Variants in MACROH2A2 observed in about 807,000 individuals in gnomAD.
MACROH2A2 encodes the protein core histone macro-H2A.2.
A neutral mutation model predicts 37.6 loss-of-function variants in MACROH2A2; 6 were observed. The ratio of observed to expected loss-of-function variants is 0.16; its 90% CI spans 0.09 to 0.32. The LOEUF (loss-of-function observed/expected upper bound fraction) is 0.32. Ranked by LOEUF, MACROH2A2 falls within the 10% of genes least tolerant of loss-of-function variation. The pLI is 1.00. For missense variants in MACROH2A2, 290 were observed against 485.9 expected, an observed-to-expected ratio of 0.60 and a Z score of 3.79; for synonymous variants, 192 against 202.7, an observed-to-expected ratio of 0.95 and a Z score of 0.45.
At chr10:70,092,519 C>G (rs1054357344) in intron 4 of MACROH2A2, among the ~76,000 whole-genome samples, 16 of 152,106 alleles carry the variant, frequency 1.1e-4, no homozygotes, top group Admixed American at 2.6e-4. Context: ...CCCAGGCAGA[C>G]ACTAAGACGC....
At chr10:70,087,320 A>C (rs1589836626) in intron 2 of MACROH2A2, among the ~76,000 whole-genome samples, 1 of 148,888 alleles carries the variant, frequency 6.7e-6, no homozygotes, top group Non-Finnish European at 1.5e-5. Flanking sequence ...TGCAGCCTCC[A>C]CTCCCAGGTT....
Position 70,053,521 on chromosome 10 carries a change from T to C in MACROH2A2, c.-60+521T>C, listed in dbSNP as rs1589828206. ...GGCGCCGGCGGCTCCAGGCTGACAA[T>C]GGAGGGGGCGCGGAGCAGCCGGGCG... On this transcript the variant is annotated intron_variant, in intron 1 of 8. Coordinates refer to ENST00000373255, the MANE Select transcript of MACROH2A2 (RefSeq NM_018649.3). This position sits in a 1 kb window ranked among gnomAD's most constrained non-coding sequence, Gnocchi z 4.8. Among the ~76,000 whole-genome samples the C allele has an allele frequency of 2.0e-5, 3 of 147,940 alleles. No homozygotes were observed. The South Asian group carries it at 6.4e-4, about 32-fold the overall frequency.
chr10:70,078,067 G>T (rs538520756), intron 2 of MACROH2A2, among the ~76,000 whole-genome samples: 230 of 152,312 alleles, frequency 1.5e-3, no homozygotes, highest in African/African-American at 5.2e-3. Context: ...CTGTGCCTCC[G>T]TTTGGCAAAA....
intron 1 of MACROH2A2, among the ~76,000 whole-genome samples, chr10:70,064,767 C>T (rs1432622076): frequency 6.6e-6 from 1 of 152,130 alleles, no homozygotes; most frequent in Admixed American, 6.5e-5. Context: ...TGAGGCCTCC[C>T]CAGCTATGTG....
chr10:70,104,364 A>G (rs79230760), intron 7 of MACROH2A2, among the ~76,000 whole-genome samples: 1 of 147,568 alleles, frequency 6.8e-6, no homozygotes, highest in African/African-American at 2.5e-5. Context: ...ACAGAGAGGA[A>G]AAAAAAAAAA....
chr10:70,079,108 G>T (rs1405149464), intron 2 of MACROH2A2, among the ~76,000 whole-genome samples: 1 of 152,188 alleles, frequency 6.6e-6, no homozygotes, highest in Non-Finnish European at 1.5e-5. Context: ...GTGCTGTCGG[G>T]CAGGGAATGA....
chr10:70,105,231 A>C lies in MACROH2A2; in HGVS notation c.779-3802A>C, dbSNP rs1313701656. ...TGAAGATGTCAGCTGGGGCAGAACC[A>C]GTTCACGTTAAGCATCTACGGTGTG... is the stretch of plus-strand genomic sequence containing the variant. On this transcript the variant is annotated intron_variant, in intron 7 of 8. Coordinates refer to ENST00000373255, the MANE Select transcript of MACROH2A2 (RefSeq NM_018649.3). Among the ~76,000 whole-genome samples, 4 of 152,248 alleles carry C rather than the reference A, an allele frequency of 2.6e-5. No individual in the cohort carries two copies. In the East Asian group the frequency reaches 7.7e-4, roughly 29 times the overall value.
intron 2 of MACROH2A2, among the ~76,000 whole-genome samples, chr10:70,089,188 G>A (rs2072229083): frequency 6.6e-6 from 1 of 152,234 alleles, no homozygotes; most frequent in African/African-American, 2.4e-5. Flanking sequence ...ATTCTCTTCA[G>A]AGATGGCCCT....
chr10:70,096,569 G>A (rs1252827425), intron 6 of MACROH2A2, among the ~76,000 whole-genome samples: 1 of 152,130 alleles, frequency 6.6e-6, no homozygotes, highest in Non-Finnish European at 1.5e-5. Context: ...CCAGGGTGGA[G>A]GAGCTTGGGA....
At chr10:70,061,601 CT>C (rs1338910640) in intron 1 of MACROH2A2, among the ~76,000 whole-genome samples, 1 of 152,162 alleles carries the variant, frequency 6.6e-6, no homozygotes, top group African/African-American at 2.4e-5. Context: ...TTAAATGCCC[CT>C]ACCCCTTGTC....
intron 1 of MACROH2A2, among the ~76,000 whole-genome samples, chr10:70,073,463 T>C (rs922084846): frequency 1.3e-5 from 2 of 152,184 alleles, no homozygotes; most frequent in Non-Finnish European, 2.9e-5. Context: ...AAAGAGATAA[T>C]AGTCTAAGGC....
At position 70,095,668 on chromosome 10, in the gene MACROH2A2, G is replaced by T. The variant is rs778643293; in HGVS notation, c.603G>T (p.Gln201His). The T allele has an allele frequency of 6.4e-7, 1 of 1,555,028 alleles. No homozygotes were observed. The highest frequency in any genetic ancestry group is 8.9e-7 in the Non-Finnish European group (1 of 1,126,332). Residue 201 changes from glutamine to histidine, a missense_variant, in exon 6 of 9, where the codon CAG becomes CAT. Around this residue, in one of 3 missense-constraint regions of MACROH2A2, gnomAD observed 130 missense variants for 257.1 expected, o/e 0.51. Transcript: ENST00000373255. The part of the protein sequence containing the change: ...LVLGQKLSLT[Q>H]SDISHIGSMR... ...TCCTAATGCAGCTGTCCTTAACCCA[G>T]AGTGACATCAGCCATATTGGCTCCA...
chr10:70,076,648 G>C (rs1236928407), intron 2 of MACROH2A2, among the ~76,000 whole-genome samples: 1 of 152,110 alleles, frequency 6.6e-6, no homozygotes, highest in African/African-American at 2.4e-5. Flanking sequence ...GAGCAACAAT[G>C]TCTCTGACTT....
intron 3 of MACROH2A2, 44 bp from the exon 4 acceptor site, chr10:70,091,713 T>C (rs755292543): frequency 4.4e-6 from 5 of 1,134,408 alleles, no homozygotes; most frequent in Middle Eastern, 4.1e-4. Flanking sequence ...AATTGGGAAC[T>C]AGCAGGCTGT....
At chr10:70,069,699 AC>A (rs1388335597) in intron 1 of MACROH2A2, among the ~76,000 whole-genome samples, 18 of 152,150 alleles carry the variant, frequency 1.2e-4, no homozygotes, top group Non-Finnish European at 2.1e-4. Context: ...TCAGGCTAAT[AC>A]TTAAATGTAA....
At chr10:70,082,554 G>A (rs1461164001) in intron 2 of MACROH2A2, among the ~76,000 whole-genome samples, 4 of 152,208 alleles carry the variant, frequency 2.6e-5, no homozygotes, top group African/African-American at 7.2e-5. Flanking sequence ...ATCAACAGAC[G>A]AATGGATAAG....
rs1261570445 is a variant in MACROH2A2, at chr10:70,075,278, G to A, written c.-59-322G>A. 6.6e-6 allele frequency among the ~76,000 whole-genome samples: 1 copy of A among 152,242 alleles called. No individual in the cohort carries two copies. The highest frequency in any genetic ancestry group is 1.5e-5 in the Non-Finnish European group (1 of 68,044). On this transcript the variant is annotated intron_variant, in intron 1 of 8. Coordinates refer to ENST00000373255, the MANE Select transcript of MACROH2A2 (RefSeq NM_018649.3). The surrounding 1 kb of genome is among the most constrained non-coding windows in gnomAD (Gnocchi z 5.0). ...TAAGATAACAGTCACAGGTTCTGGG[G>A]ATGAGGAAATTGACATCTTTGGGGA...
Position 70,075,948 on chromosome 10 carries a change from T to C in MACROH2A2, c.172+118T>C, listed in dbSNP as rs2072137305. On this transcript the variant is annotated intron_variant, in intron 2 of 8. Transcript: ENST00000373255. The surrounding 1 kb of genome is among the most constrained non-coding windows in gnomAD (Gnocchi z 5.0). ...CCTTTTGGCTGGCTCAAGGCTACTG[T>C]GGGTGGTGACAGGGTTGCAACTGGC... 1 of 793,204 alleles carries C rather than the reference T, an allele frequency of 1.3e-6. No homozygotes were observed. Among genetic ancestry groups the C allele is most frequent in the Non-Finnish European group, 2.0e-6 (1 of 495,150 alleles). The allele number at this position is 793,204 out of a possible 1,614,324, so 49.1% of individuals were successfully genotyped here.
At chr10:70,058,675 A>G (rs1026196336) in intron 1 of MACROH2A2, among the ~76,000 whole-genome samples, 12 of 152,204 alleles carry the variant, frequency 7.9e-5, no homozygotes, top group African/African-American at 2.6e-4. Context: ...GAATTTTGTA[A>G]CTTGTATTTT....
Sources: allele counts gnomAD v4.1 joint callset (sites outside exome capture counted in the v4.1 genomes callset), GRCh38; gene constraint gnomAD v4.1.1; regional missense constraint gnomAD v4.1.1; non-coding constraint Gnocchi (gnomAD v3.1); transcripts MANE v1.5; gene names NCBI Gene and HGNC (gene_info 2026-07-23, HGNC 2026-07-21).